NXPH1: variants seen among roughly 807,000 people sequenced by gnomAD.
The protein encoded by NXPH1 is neurexophilin 1.
In NXPH1, 5 loss-of-function variants were observed where a neutral mutation model predicts 23.7. That is an observed-to-expected ratio of 0.21 (90% confidence interval 0.11 to 0.44). NXPH1 has a LOEUF of 0.44. Ranked by LOEUF, NXPH1 falls within the 20% of genes least tolerant of loss-of-function variation. The pLI, the probability that NXPH1 is intolerant of heterozygous loss-of-function variation, is 0.99. For missense variants in NXPH1, 324 were observed against 321.6 expected (o/e 1.01, Z -0.06); for synonymous variants, 144 against 122.2 (o/e 1.18, Z -1.18).
intron 2 of NXPH1, among the ~76,000 whole-genome samples, chr7:8,598,294 T>C (rs1819273914): frequency 6.6e-6 from 1 of 152,132 alleles, no homozygotes; most frequent in South Asian, 2.1e-4. Flanking sequence ...CCAGTAGGCC[T>C]GCATGGCTCT....
chr7:8,717,514 C>G (rs1280466007), intron 2 of NXPH1, among the ~76,000 whole-genome samples: 1 of 152,238 alleles, frequency 6.6e-6, no homozygotes, highest in East Asian at 1.9e-4. Flanking sequence ...AGCTCCATCA[C>G]TGAATTAATC....
chr7:8,515,348 G>T (rs1284410540), intron 2 of NXPH1, among the ~76,000 whole-genome samples: 1 of 152,036 alleles, frequency 6.6e-6, no homozygotes, highest in African/African-American at 2.4e-5. Flanking sequence ...TAGATCATGG[G>T]ACACATGGTA....
Position 8,587,885 on chromosome 7 carries a change from T to A in NXPH1, c.54+152118T>A, listed in dbSNP as rs555115145. ...CACATTTTCTTTATCCAGTCTATCA[T>A]TGATGGGCATTTGGGTTGGTTCCAA... On this transcript the variant is annotated intron_variant, in intron 2 of 2. Coordinates refer to ENST00000405863, the MANE Select transcript of NXPH1 (RefSeq NM_152745.3). Among the ~76,000 whole-genome samples, 5 of 152,254 alleles carry A rather than the reference T, an allele frequency of 3.3e-5. No individual in the cohort carries two copies. In the East Asian group the frequency reaches 9.7e-4, roughly 29 times the overall value.
At chr7:8,578,877 T>C (rs1453758546) in intron 2 of NXPH1, among the ~76,000 whole-genome samples, 1 of 152,130 alleles carries the variant, frequency 6.6e-6, no homozygotes, top group Non-Finnish European at 1.5e-5. Context: ...ATGGAAGAAG[T>C]GTGGTAGGTA....
chr7:8,742,626 A>T (rs17154742), intron 2 of NXPH1, among the ~76,000 whole-genome samples: 9,476 of 148,276 alleles, frequency 0.064, 364 homozygotes, highest in East Asian at 0.14. Context: ...TAAGATATTT[A>T]TATATGAAAA....
intron 2 of NXPH1, among the ~76,000 whole-genome samples, chr7:8,690,791 T>C (rs12702766): frequency 0.16 from 24,711 of 152,200 alleles, 2,377 homozygotes; most frequent in Middle Eastern, 0.38. Context: ...TTGACGCATT[T>C]ACTGCCTCGT....
At position 8,461,815 on chromosome 7, in the gene NXPH1, C is replaced by T. The variant is rs1228481141; in HGVS notation, c.54+26048C>T. 3.0e-3 allele frequency among the ~76,000 whole-genome samples: 384 copies of T among 128,012 alleles called. 2 individuals carry two copies. Among genetic ancestry groups the T allele is most frequent in the African/African-American group, 0.012 (361 of 29,400 alleles). The allele number at this position is 128,012 out of a possible 152,430, so 84.0% of individuals were successfully genotyped here. On this transcript the variant is annotated intron_variant, in intron 2 of 2. Transcript: ENST00000405863. ...ACTGCAGTCCGCAGTCCGGCCTGGG[C>T]GACAGAGCGAGACTCCGTCTCAAAA...
At chr7:8,698,180 T>C (rs1246453306) in intron 2 of NXPH1, among the ~76,000 whole-genome samples, 5 of 152,192 alleles carry the variant, frequency 3.3e-5, no homozygotes, top group African/African-American at 4.8e-5. Flanking sequence ...TTCTGTACCA[T>C]GACAAACATT....
At chr7:8,695,024 G>T (rs1006426939) in intron 2 of NXPH1, among the ~76,000 whole-genome samples, 12 of 152,092 alleles carry the variant, frequency 7.9e-5, no homozygotes, top group African/African-American at 2.2e-4. Context: ...ATATAATTTT[G>T]GATGTCTGGC....
At chr7:8,688,545 A>G (rs1425978957) in intron 2 of NXPH1, among the ~76,000 whole-genome samples, 4 of 152,208 alleles carry the variant, frequency 2.6e-5, no homozygotes, top group African/African-American at 9.6e-5. Context: ...TAAAGAAGCA[A>G]AGGATTACAG....
At chr7:8,741,471 A>C (rs567630278) in intron 2 of NXPH1, among the ~76,000 whole-genome samples, 1 of 152,072 alleles carries the variant, frequency 6.6e-6, no homozygotes, top group Non-Finnish European at 1.5e-5. Context: ...TTTTTTGAGG[A>C]ATCTCCAGAT....
intron 2 of NXPH1, among the ~76,000 whole-genome samples, chr7:8,459,107 G>A (rs1000217901): frequency 6.7e-6 from 1 of 150,174 alleles, no homozygotes; most frequent in Non-Finnish European, 1.5e-5. Context: ...TTTCTTCCAA[G>A]GAGAAGGAGT....
intron 2 of NXPH1, among the ~76,000 whole-genome samples, chr7:8,562,667 T>C (rs190043830): frequency 2.0e-5 from 3 of 151,838 alleles, no homozygotes; most frequent in Admixed American, 1.3e-4. Context: ...TTGATGGATA[T>C]CCTAATAGAT....
At chr7:8,554,125 A>T (rs1818318825) in intron 2 of NXPH1, among the ~76,000 whole-genome samples, 2 of 151,644 alleles carry the variant, frequency 1.3e-5, no homozygotes. Context: ...CTTGGTCTCA[A>T]CAAGATGTGG....
intron 2 of NXPH1, among the ~76,000 whole-genome samples, chr7:8,643,847 A>G (rs558237311): frequency 1.3e-5 from 2 of 152,284 alleles, no homozygotes; most frequent in African/African-American, 4.8e-5. Context: ...TGCTTAGTGT[A>G]TAAAATTTAA....
chr7:8,746,029 A>G (rs1780464686), intron 2 of NXPH1, among the ~76,000 whole-genome samples: 1 of 152,170 alleles, frequency 6.6e-6, no homozygotes, highest in South Asian at 2.1e-4. Context: ...TGCTGGTTGC[A>G]TCACACTGTG....
chr7:8,462,936 G>C (rs1193673246), intron 2 of NXPH1, among the ~76,000 whole-genome samples: 1 of 152,088 alleles, frequency 6.6e-6, no homozygotes, highest in Non-Finnish European at 1.5e-5. Flanking sequence ...CTCAAAGTTT[G>C]AAGAGACATT....
chr7:8,497,389 G>T (rs1358114813), intron 2 of NXPH1, among the ~76,000 whole-genome samples: 1 of 152,134 alleles, frequency 6.6e-6, no homozygotes, highest in Non-Finnish European at 1.5e-5. Context: ...TAATGGGATG[G>T]CTGGGTCAAA....
At chr7:8,609,774 G>T (rs77716526) in intron 2 of NXPH1, among the ~76,000 whole-genome samples, 1,643 of 152,174 alleles carry the variant, frequency 0.011, 31 homozygotes, top group African/African-American at 0.038. Flanking sequence ...AGCTATTTTT[G>T]TCTATTAATT....
Sources: allele counts gnomAD v4.1 joint callset (sites outside exome capture counted in the v4.1 genomes callset), GRCh38; gene constraint gnomAD v4.1.1; transcripts MANE v1.5; gene names NCBI Gene and HGNC (gene_info 2026-07-23, HGNC 2026-07-21).